Variants in AGTPBP1 observed in about 807,000 individuals in gnomAD.
AGTPBP1 encodes the protein cytosolic carboxypeptidase 1.
Under a neutral mutation model 143.9 loss-of-function variants are expected in AGTPBP1, and 70 were observed. That is an observed-to-expected ratio of 0.49 (90% CI 0.40 to 0.59). The LOEUF is 0.59. Ranked by LOEUF, AGTPBP1 falls within the 20% of genes least tolerant of loss-of-function variation. The pLI is 0.00. For synonymous variants in AGTPBP1, 463 were observed against 500.2 expected (o/e 0.93, Z 0.99); for missense variants, 1,229 against 1,464.5 (o/e 0.84, Z 2.62).
At chr9:85,776,482 G>C in the AGTPBP1 span, among the ~76,000 whole-genome samples, 1 of 152,174 alleles carries the variant, frequency 6.6e-6, no homozygotes, top group South Asian at 2.1e-4. Context: ...GTCCTGACTG[G>C]AATGGGCTGT....
chr9:85,608,267 T>C (rs1425975179), intron 17 of AGTPBP1, among the ~76,000 whole-genome samples: 1 of 152,040 alleles, frequency 6.6e-6, no homozygotes, highest in Non-Finnish European at 1.5e-5. Flanking sequence ...GAAAATATAA[T>C]AATACTTAAT....
In AGTPBP1 at chr9:85,575,570, T is replaced by C. The variant is rs1827847871; in HGVS notation, c.3343-95A>G. ...TATATAAAAAGAATTTATAACTATATTAATAAAATTAAAAGGCTGGTACTT... is the reference window on the plus strand; with the variant it reads ...TATATAAAAAGAATTTATAACTATACTAATAAAATTAAAAGGCTGGTACTT... On this transcript the variant is annotated intron_variant, in intron 24 of 25. Coordinates refer to ENST00000357081, the MANE Select transcript of AGTPBP1 (RefSeq NM_001330701.2). 3.9e-6 allele frequency: 4 copies of C among 1,014,850 alleles called. No homozygotes were observed. The East Asian group carries it at 1.2e-4, about 31-fold the overall frequency. 62.9% of individuals were successfully genotyped at this position (1,014,850 alleles called of 1,614,324 possible).
intron 3 of AGTPBP1, among the ~76,000 whole-genome samples, chr9:85,686,181 A>T (rs1451453882): frequency 2.6e-5 from 4 of 151,716 alleles, no homozygotes; most frequent in Admixed American, 6.6e-5. Flanking sequence ...GTTTTTTTTT[A>T]AAAAGATCCA....
the AGTPBP1 span, among the ~76,000 whole-genome samples, chr9:85,767,540 G>A: frequency 6.6e-6 from 1 of 152,078 alleles, no homozygotes; most frequent in Non-Finnish European, 1.5e-5. Flanking sequence ...TAGAGATGGG[G>A]TTTCACCATG....
chr9:85,737,766 G>T (rs1823900717), intron 1 of AGTPBP1, among the ~76,000 whole-genome samples: 1 of 152,042 alleles, frequency 6.6e-6, no homozygotes, highest in Non-Finnish European at 1.5e-5. Context: ...GATTTCTCAC[G>T]GCATCTAACC....
At chr9:85,710,701 A>ACAACAAC (rs201229307) in intron 2 of AGTPBP1, among the ~76,000 whole-genome samples, 1 of 151,296 alleles carries the variant, frequency 6.6e-6, no homozygotes, top group African/African-American at 2.5e-5. Context: ...AACAACAACA[A>ACAACAAC]AAAAAACAAA....
intron 2 of AGTPBP1, among the ~76,000 whole-genome samples, chr9:85,695,915 C>T (rs1836205680): frequency 6.6e-6 from 1 of 151,876 alleles, no homozygotes; most frequent in African/African-American, 2.4e-5. Context: ...AATCTCGGCT[C>T]ACTGAAACCT....
chr9:85,639,367 GCACACACACACACA>G (rs60915473), intron 13 of AGTPBP1, among the ~76,000 whole-genome samples: 9 of 147,332 alleles, frequency 6.1e-5, no homozygotes, highest in South Asian at 4.3e-4. Context: ...GCGCGCACGC[GCACACACACACACA>G]CACACACACA....
chr9:85,787,511 C>T, the AGTPBP1 span, among the ~76,000 whole-genome samples: 1 of 152,108 alleles, frequency 6.6e-6, no homozygotes, highest in African/African-American at 2.4e-5. Flanking sequence ...GGCCAAACTA[C>T]ACTGGGGCTG....
chr9:85,774,989 T>G, the AGTPBP1 span, among the ~76,000 whole-genome samples: 1 of 152,164 alleles, frequency 6.6e-6, no homozygotes, highest in Non-Finnish European at 1.5e-5. Flanking sequence ...CAAAAGTTCA[T>G]GCCATAGCCA....
intron 1 of AGTPBP1, among the ~76,000 whole-genome samples, chr9:85,719,210 T>G (rs1837936422): frequency 6.6e-6 from 1 of 152,140 alleles, no homozygotes; most frequent in South Asian, 2.1e-4. Context: ...AAGAAAGTCA[T>G]CGGTAGCTTG....
chr9:85,781,044 G>A, the AGTPBP1 span, among the ~76,000 whole-genome samples: 5 of 152,184 alleles, frequency 3.3e-5, no homozygotes, highest in South Asian at 2.1e-4. Flanking sequence ...GTGAACCTGG[G>A]TGGCGGAGCT....
At chr9:85,638,352 T>G (rs1462492812) in intron 13 of AGTPBP1, among the ~76,000 whole-genome samples, 1 of 151,658 alleles carries the variant, frequency 6.6e-6, no homozygotes, top group African/African-American at 2.4e-5. Context: ...AAAAAGTTGA[T>G]TAAAATAAAA....
chr9:85,708,229 C>A lies in AGTPBP1; in HGVS notation c.32+4273G>T, dbSNP rs77863244. 9.5e-3 allele frequency among the ~76,000 whole-genome samples: 1,453 copies of A among 152,196 alleles called. 28 individuals carry two copies. Among genetic ancestry groups the A allele is most frequent in the African/African-American group, 0.033 (1,360 of 41,518 alleles). On this transcript the variant is annotated intron_variant, in intron 2 of 25. Transcript: ENST00000357081. ...ACCTTTTGCTTCCATCATCACATCT[C>A]CTACTACTGACTCTGATCCTCTTGC...
At chr9:85,695,399 C>A (rs977656899) in intron 2 of AGTPBP1, among the ~76,000 whole-genome samples, 1 of 151,968 alleles carries the variant, frequency 6.6e-6, no homozygotes, top group African/African-American at 2.4e-5. Flanking sequence ...TACCTAAGAC[C>A]CTTTCAGCAA....
intron 14 of AGTPBP1, 89 bp from the exon 15 acceptor site, chr9:85,621,374 G>A: frequency 1.8e-6 from 1 of 544,640 alleles, no homozygotes; most frequent in Non-Finnish European, 2.9e-6. Flanking sequence ...AAAAGTGCAT[G>A]ATAAAAATTT....
At chr9:85,741,352 G>C (rs1008193347) in intron 1 of AGTPBP1, 2 of 985,256 alleles carry the variant, frequency 2.0e-6, no homozygotes, top group Non-Finnish European at 2.4e-6. Flanking sequence ...CCACTGGGGC[G>C]GGGGAGAGCG....
the AGTPBP1 span, among the ~76,000 whole-genome samples, chr9:85,771,789 C>T: frequency 2.0e-5 from 3 of 150,042 alleles, no homozygotes; most frequent in African/African-American, 4.9e-5. Flanking sequence ...GTAGCTGGGA[C>T]GACAAGTGCC....
the AGTPBP1 span, among the ~76,000 whole-genome samples, chr9:85,790,681 T>G: frequency 6.6e-6 from 1 of 152,230 alleles, no homozygotes; most frequent in Non-Finnish European, 1.5e-5. Flanking sequence ...TTGGCACTAT[T>G]TGAAATGCTA....
Sources: allele counts gnomAD v4.1 joint callset (sites outside exome capture counted in the v4.1 genomes callset), GRCh38; gene constraint gnomAD v4.1.1; transcripts MANE v1.5; gene names NCBI Gene and HGNC (gene_info 2026-07-23, HGNC 2026-07-21).